The following MIB2 variants were observed in gnomAD, a reference collection of about 807,000 sequenced individuals.
MIB2 encodes E3 ubiquitin-protein ligase MIB2.
In MIB2, 78 loss-of-function variants were observed where a neutral mutation model predicts 96.6. The ratio of observed to expected loss-of-function variants is 0.81; its 90% CI spans 0.67 to 0.97. The LOEUF (loss-of-function observed/expected upper bound fraction) is 0.97, where lower values mean the gene tolerates loss of function less well. Ranked by LOEUF, MIB2 falls within the 50% of genes least tolerant of loss-of-function variation. The pLI is 0.00. For missense variants in MIB2, 1,543 were observed against 1,424.0 expected (o/e 1.08, Z -1.35); for synonymous variants, 820 against 629.5 (o/e 1.30, Z -4.53).
In MIB2 at chr1:1,627,435, C is replaced by A; in HGVS notation, c.1514C>A (p.Ala505Glu). 1.9e-6 allele frequency: 3 copies of A among 1,611,388 alleles called. No individual in the cohort carries two copies. Among genetic ancestry groups the A allele is most frequent in the South Asian group, 1.1e-5 (1 of 90,904 alleles). The change falls in exon 12 of 20, where the codon GCG becomes GAG. Residue 505 changes from alanine to glutamate, a missense_variant. Coordinates refer to ENST00000355826, the MANE Select transcript of MIB2 (RefSeq NM_001170687.4). ...GAGGGCAACACGGCACTGCACTACGCGGCCCTGGGGTGAGGCCTGGGAGGG... is the reference window on the plus strand; with the variant it reads ...GAGGGCAACACGGCACTGCACTACGAGGCCCTGGGGTGAGGCCTGGGAGGG... ...DDEGNTALHY[A>E]ALGNQPEATR...
rs200885260 is a variant in MIB2 at position 1,623,917 on chromosome 1, G to A, written c.391G>A (p.Asp131Asn). ...CAAGCATGAGCTCGCCCACGCCTTC[G>A]ACCGCTACGAGACCGCTCACTCGCG... ...HNKHELAHAF[D>N]RYETAHSRPV... The change falls in exon 4 of 20, where the codon GAC becomes AAC. Residue 131 changes from aspartate to asparagine, a missense_variant. Asp to Asn is a conservative substitution (Grantham distance 23). Coordinates refer to ENST00000355826, the MANE Select transcript of MIB2 (RefSeq NM_001170687.4). The A allele has an allele frequency of 1.4e-4, 227 of 1,611,518 alleles. No homozygotes were observed. Among genetic ancestry groups the A allele is most frequent in the Non-Finnish European group, 1.7e-4 (206 of 1,179,284 alleles).
intron 1 of MIB2, 38 bp downstream of exon 1, chr1:1,615,671 C>T: frequency 6.5e-7 from 1 of 1,546,830 alleles, no homozygotes; most frequent in Non-Finnish European, 8.7e-7. Context: ...TGGTCCTCCG[C>T]ACCGTCCCCG....
At chr1:1,615,708 G>T (rs1643547694) in intron 1 of MIB2, 75 bp downstream of exon 1, 1 of 1,502,984 alleles carries the variant, frequency 6.7e-7, no homozygotes, top group Non-Finnish European at 8.9e-7. Flanking sequence ...GGCAGAACGC[G>T]AGCGCCGTCC....
At position 1,626,657 on chromosome 1, in the gene MIB2, CCTT is replaced by C. The variant is rs1557598138; in HGVS notation, c.983_985del (p.Phe328del). ...CCCCTCTTTGTCGCTCAGCACCACT[CCTT>C]CTGGGTGGGCGACGTGGTCCGGGTC... On this transcript the variant is annotated inframe_deletion, in exon 9 of 20. Coordinates refer to ENST00000355826, the MANE Select transcript of MIB2 (RefSeq NM_001170687.4). This position sits in a 1 kb window ranked among gnomAD's most constrained non-coding sequence, Gnocchi z 5.3. The C allele has an allele frequency of 3.2e-6, 5 of 1,574,804 alleles. No individual in the cohort carries two copies. Among genetic ancestry groups the C allele is most frequent in the Admixed American group, 1.8e-5 (1 of 55,456 alleles).
Position 1,629,503 on chromosome 1 carries a change from G to A in MIB2, c.2500G>A (p.Val834Met). The A allele has an allele frequency of 6.5e-7, 1 of 1,535,910 alleles. No individual in the cohort carries two copies. Among genetic ancestry groups the A allele is most frequent in the Non-Finnish European group, 8.7e-7 (1 of 1,145,836 alleles). The change falls in exon 18 of 20, where the codon GTG becomes ATG. Residue 834 changes from valine to methionine, a missense_variant. By Grantham distance (21) the Val-to-Met change is conservative. Coordinates refer to ENST00000355826, the MANE Select transcript of MIB2 (RefSeq NM_001170687.4). ...APGPEAAECL[V>M]CSELALLVLF... ...GGGGCCCGAGGCCGCTGAGTGCCTGGTGTGCTCCGAGCTGGCGCTGCTGGT... is the reference window on the plus strand; with the variant it reads ...GGGGCCCGAGGCCGCTGAGTGCCTGATGTGCTCCGAGCTGGCGCTGCTGGT...
rs912998773 is a variant in MIB2 at position 1,629,676 on chromosome 1, G to C, written c.2601G>C (p.Gln867His). The C allele has an allele frequency of 5.6e-6, 9 of 1,600,386 alleles. No homozygotes were observed. The highest frequency in any genetic ancestry group is 1.7e-4 in the Middle Eastern group (1 of 6,038). ...ARRMKKCIRC[Q>H]VVVSKKLRPD... Reference sequence around the variant, plus strand: ...GGATGAAGAAGTGCATCAGGTGCCAGGTGGTCGTCAGCAAGAAACTGCGCC... The same window carrying C: ...GGATGAAGAAGTGCATCAGGTGCCACGTGGTCGTCAGCAAGAAACTGCGCC... Residue 867 changes from glutamine (Q) to histidine (H), a missense_variant, in exon 19 of 20, where the codon CAG (glutamine) becomes CAC (histidine). Transcript: ENST00000355826.
In MIB2 at chr1:1,630,447, G is replaced by A. The variant is rs868669938; in HGVS notation, c.2785G>A (p.Ala929Thr). The change falls in exon 20 of 20, where the codon GCA becomes ACA. Residue 929 changes from alanine (A) to threonine (T), a missense_variant. Transcript: ENST00000355826. Reference protein sequence around the residue: ...IRLVFQCGHGACAPCGSALSA... With the variant: ...IRLVFQCGHGTCAPCGSALSA... ...CCTCGTGTTCCAGTGCGGCCACGGC[G>A]CATGCGCCCCCTGCGGCTCCGCGCT... 4 of 1,590,812 alleles carry A rather than the reference G, an allele frequency of 2.5e-6. No individual in the cohort carries two copies. In the Admixed American group the frequency reaches 5.2e-5, roughly 21 times the overall value.
rs757777062 is a variant in MIB2 at position 1,628,036 on chromosome 1, G to A, written c.1698G>A (p.Thr566=). ...CCCAGCAGGACGCCCACTCGGACAC[G>A]CCCCTGCACTCCGCCATCTCGGCGG... ...DVNLPDAHSD[T]PLHSAISAGT... Residue 566 remains threonine (T), a synonymous_variant, in exon 14 of 20, where the codon ACG becomes ACA. Transcript: ENST00000355826. 7.4e-6 allele frequency: 12 copies of A among 1,612,818 alleles called. No homozygotes were observed. Among genetic ancestry groups the A allele is most frequent in the East Asian group, 2.2e-5 (1 of 44,864 alleles).
Position 1,630,454 on chromosome 1 carries a change from C to T in MIB2, c.2792C>T (p.Ala931Val), listed in dbSNP as rs1394004685. 3.1e-6 allele frequency: 5 copies of T among 1,592,896 alleles called. No homozygotes were observed. The East Asian group carries it at 6.9e-5, about 22-fold the overall frequency. Residue 931 changes from alanine to valine, a missense_variant, in exon 20 of 20, where the codon GCC (alanine) becomes GTC (valine). Transcript: ENST00000355826. ...LVFQCGHGAC[A>V]PCGSALSACP... ...TTCCAGTGCGGCCACGGCGCATGCG[C>T]CCCCTGCGGCTCCGCGCTCAGCGCC...
At chr1:1,622,442 G>A (rs1271895622) in intron 2 of MIB2, among the ~76,000 whole-genome samples, 1 of 152,244 alleles carries the variant, frequency 6.6e-6, no homozygotes, top group Non-Finnish European at 1.5e-5. Context: ...GCTCTCGGGG[G>A]TCAGCGCCCA....
chr1:1,629,104 C>T (rs954837691), intron 16 of MIB2, 29 bp from the exon 17 acceptor site: 9 of 1,424,116 alleles, frequency 6.3e-6, no homozygotes, highest in Non-Finnish European at 8.2e-6. Context: ...CCGGCGCCCG[C>T]CCTCACCGGC....
chr1:1,622,264 C>T (rs79366324), intron 2 of MIB2, among the ~76,000 whole-genome samples: 4,441 of 152,356 alleles, frequency 0.029, 187 homozygotes, highest in East Asian at 0.21. Flanking sequence ...GGTGGCCCTC[C>T]CCTCCCCGCC....
chr1:1,615,625 C>T lies in MIB2; in HGVS notation c.-138C>T, dbSNP rs774154462. On this transcript the variant is annotated 5_prime_UTR_variant, in exon 1 of 20. Coordinates refer to ENST00000355826, the MANE Select transcript of MIB2 (RefSeq NM_001170687.4). ...ACTGGCGCGATGCGGGCCGTCCTCT[C>T]GGCTGATGGTGCGTGCGGGCGCGGA... is the stretch of plus-strand genomic sequence containing the variant. The T allele has an allele frequency of 1.3e-6, 2 of 1,573,408 alleles. No homozygotes were observed. Among genetic ancestry groups the T allele is most frequent in the Non-Finnish European group, 1.7e-6 (2 of 1,163,872 alleles).
At chr1:1,630,153 A>AACC in intron 19 of MIB2, 139 bp from the exon 20 acceptor site, 9 of 386,578 alleles carry the variant, frequency 2.3e-5, no homozygotes, top group Middle Eastern at 7.2e-4. Context: ...CCTCCAAATC[A>AACC]CCCACCCCGC....
rs1020555126 is a variant in MIB2, at chr1:1,630,479, C to G, written c.2817C>G (p.Ala939=). The G allele has an allele frequency of 5.0e-6, 8 of 1,593,354 alleles. No individual in the cohort carries two copies. Among genetic ancestry groups the G allele is most frequent in the African/African-American group, 2.7e-5 (2 of 74,290 alleles). The change falls in exon 20 of 20, where the codon GCC becomes GCG. Residue 939 remains alanine, a synonymous_variant. Coordinates refer to ENST00000355826, the MANE Select transcript of MIB2 (RefSeq NM_001170687.4). ...ACAPCGSALS[A]CPICRQPIRD... is the part of the protein sequence containing the mutation. ...CCCCCTGCGGCTCCGCGCTCAGCGCCTGCCCCATCTGCCGCCAGCCCATCC... is the reference window on the plus strand; with the variant it reads ...CCCCCTGCGGCTCCGCGCTCAGCGCGTGCCCCATCTGCCGCCAGCCCATCC...
In MIB2 at chr1:1,629,655, G is replaced by T. The variant is rs1638338161; in HGVS notation, c.2580G>T (p.Met860Ile). 3 of 1,599,500 alleles carry T rather than the reference G, an allele frequency of 1.9e-6. No individual in the cohort carries two copies. The highest frequency in any genetic ancestry group is 2.6e-6 in the Non-Finnish European group (3 of 1,173,168). Reference sequence around the variant, plus strand: ...TCTTCGCAGAGTGCGCGCGCAGGATGAAGAAGTGCATCAGGTGCCAGGTGG... The same window carrying T: ...TCTTCGCAGAGTGCGCGCGCAGGATTAAGAAGTGCATCAGGTGCCAGGTGG... ...RTVCEECARR[M>I]KKCIRCQVVV... Residue 860 changes from methionine to isoleucine, a missense_variant, in exon 19 of 20, where the codon ATG becomes ATT. Coordinates refer to ENST00000355826, the MANE Select transcript of MIB2 (RefSeq NM_001170687.4).
chr1:1,629,191 G>A lies in MIB2; in HGVS notation c.2261G>A (p.Cys754Tyr). The A allele has an allele frequency of 1.3e-6, 2 of 1,514,954 alleles. No homozygotes were observed. Among genetic ancestry groups the A allele is most frequent in the Non-Finnish European group, 1.8e-6 (2 of 1,140,016 alleles). The allele number at this position is 1,514,954 out of a possible 1,614,324, so 93.8% of individuals were successfully genotyped here. Reference protein sequence around the residue: ...AELTVGAAVACFLALEGADVS... With the variant: ...AELTVGAAVAYFLALEGADVS... ...CTGACGGTGGGCGCGGCGGTCGCCTGCTTCCTGGCGCTGGAGGGCGCCGAC... is the reference window on the plus strand; with the variant it reads ...CTGACGGTGGGCGCGGCGGTCGCCTACTTCCTGGCGCTGGAGGGCGCCGAC... Residue 754 changes from cysteine (C) to tyrosine (Y), a missense_variant, in exon 17 of 20, where the codon TGC (cysteine) becomes TAC (tyrosine). By Grantham distance (194) the Cys-to-Tyr change is radical. Transcript: ENST00000355826.
At position 1,623,635 on chromosome 1, in the gene MIB2, C is replaced by G; in HGVS notation, c.183C>G (p.Arg61=). The change falls in exon 3 of 20, where the codon CGC becomes CGG. Residue 61 remains arginine (R), a synonymous_variant. Transcript: ENST00000355826. ...TVVVQWDQGT[R]TNYRAGYQGA... is the part of the protein sequence containing the mutation. The stretch of plus-strand genomic sequence containing the variant: ...TCGTGCAGTGGGACCAGGGCACGCG[C>G]ACCAACTACCGCGCCGGCTACCAGG... The G allele has an allele frequency of 6.8e-7, 1 of 1,479,242 alleles. No individual in the cohort carries two copies. The highest frequency in any genetic ancestry group is 1.3e-5 in the South Asian group (1 of 74,250). 91.6% of individuals were successfully genotyped at this position (1,479,242 alleles called of 1,614,324 possible).
In MIB2 at chr1:1,625,940, G is replaced by A. The variant is rs1037493530; in HGVS notation, c.972+287G>A. On this transcript the variant is annotated intron_variant, in intron 8 of 19. Transcript: ENST00000355826. This position sits in a 1 kb window ranked among gnomAD's most constrained non-coding sequence, Gnocchi z 5.0. ...AGGAAGGCAGGACAGCTTCGTGGGC[G>A]GGAGGGAGGCGGCTGGGCTAAGATG... 15 of 514,820 alleles carry A rather than the reference G, an allele frequency of 2.9e-5. No individual in the cohort carries two copies. The highest frequency in any genetic ancestry group is 5.2e-4 in the Middle Eastern group (1 of 1,940). The allele number at this position is 514,820 out of a possible 1,614,324, so 31.9% of individuals were successfully genotyped here.
Sources: gnomAD v4.1 joint callset for allele counts (sites outside exome capture counted in the v4.1 genomes callset) on GRCh38, gnomAD v4.1.1 for gene constraint, Gnocchi (gnomAD v3.1) non-coding constraint, MANE v1.5 for transcripts, NCBI Gene and HGNC (gene_info 2026-07-23, HGNC 2026-07-21) for gene names.